The following DTNA variants were observed in gnomAD, a reference collection of about 807,000 sequenced individuals.
DTNA encodes the protein dystrobrevin alpha.
DTNA carries 43 observed loss-of-function variants against 100.7 expected under a neutral mutation model. The observed-to-expected ratio is 0.43, with a 90% confidence interval of 0.33 to 0.55. DTNA has a LOEUF of 0.55. Among genes scored for constraint, DTNA ranks in the 20% least tolerant of loss-of-function variants. DTNA has a pLI of 0.04. For missense variants in DTNA, 798 were observed against 953.9 expected (o/e 0.84, Z 2.15); for synonymous variants, 349 against 347.9 (o/e 1.00, Z -0.04).
intron 13 of DTNA, among the ~76,000 whole-genome samples, chr18:34,842,997 G>GC (rs1470599053): frequency 2.0e-5 from 3 of 152,088 alleles, no homozygotes; most frequent in Admixed American, 2.0e-4. Context: ...CTGACATCTA[G>GC]CACAGTGCCA....
At chr18:34,855,540 A>G (rs1293066110) in intron 15 of DTNA, among the ~76,000 whole-genome samples, 2 of 152,156 alleles carry the variant, frequency 1.3e-5, no homozygotes, top group Non-Finnish European at 2.9e-5. Flanking sequence ...TCCAACAACA[A>G]CCTTCACACA....
chr18:34,600,618 GA>G (rs1156331027), intron 1 of DTNA, among the ~76,000 whole-genome samples: 1 of 152,160 alleles, frequency 6.6e-6, no homozygotes, highest in Non-Finnish European at 1.5e-5. Flanking sequence ...CATATTTGAA[GA>G]ATCATGTTTA....
chr18:34,863,895 C>G (rs2096661470), intron 16 of DTNA, 71 bp from the exon 17 acceptor site: 1 of 1,465,422 alleles, frequency 6.8e-7, no homozygotes. Context: ...TCCACAAGTC[C>G]CTCAAGAATG....
intron 3 of DTNA, among the ~76,000 whole-genome samples, chr18:34,774,169 C>T (rs922480445): frequency 4.6e-5 from 7 of 152,238 alleles, no homozygotes; most frequent in African/African-American, 1.4e-4. Flanking sequence ...CAGAGGAATG[C>T]GTTTCAAGCT....
chr18:34,819,247 T>C (rs1055337217), intron 8 of DTNA, among the ~76,000 whole-genome samples: 10 of 152,220 alleles, frequency 6.6e-5, no homozygotes, highest in African/African-American at 2.2e-4. Context: ...GTCTTCAGAA[T>C]ATACATCTTA....
rs796257765 is a variant in DTNA, at chr18:34,557,268, T to C, written c.-2+63754T>C. On this transcript the variant is annotated intron_variant, in intron 1 of 19. Transcript: ENST00000283365. ...ATTGGTTATTCTAGTTATACATTCT[T>C]CTAAATTTTTTTCAAAGTTTTCAAC... Among the ~76,000 whole-genome samples, 559 of 141,364 alleles carry C rather than the reference T, an allele frequency of 4.0e-3. 15 individuals carry two copies. The East Asian group carries it at 0.067, about 17-fold the overall frequency. 92.7% of individuals were successfully genotyped at this position (141,364 alleles called of 152,430 possible). A position where few individuals can be genotyped will look rare whatever the true frequency, so the allele number is the denominator to read the frequency against.
intron 10 of DTNA, 145 bp from the exon 11 acceptor site, chr18:34,829,255 C>G: frequency 1.3e-6 from 2 of 1,525,364 alleles, no homozygotes; most frequent in Non-Finnish European, 1.8e-6. Context: ...ACATTTCTTT[C>G]TGTCACCACA....
chr18:34,564,954 T>A (rs530283021), intron 1 of DTNA, among the ~76,000 whole-genome samples: 1 of 152,254 alleles, frequency 6.6e-6, no homozygotes, highest in East Asian at 1.9e-4. Context: ...TAATTATGAG[T>A]GATATATTTA....
intron 1 of DTNA, among the ~76,000 whole-genome samples, chr18:34,672,243 A>G (rs1358626815): frequency 2.0e-5 from 3 of 152,028 alleles, no homozygotes; most frequent in African/African-American, 7.3e-5. Context: ...TTAGTTTCAT[A>G]TTGCCCTACT....
intron 1 of DTNA, among the ~76,000 whole-genome samples, chr18:34,564,939 A>G (rs2046957396): frequency 6.6e-6 from 1 of 152,212 alleles, no homozygotes; most frequent in Non-Finnish European, 1.5e-5. Context: ...AAAATAAAAC[A>G]TATGTAATTA....
At chr18:34,507,384 A>G (rs1723795335) in intron 1 of DTNA, among the ~76,000 whole-genome samples, 1 of 152,212 alleles carries the variant, frequency 6.6e-6, no homozygotes, top group African/African-American at 2.4e-5. Flanking sequence ...CTATATTTAA[A>G]TCTAACTGAG....
intron 1 of DTNA, among the ~76,000 whole-genome samples, chr18:34,620,089 A>C (rs2056165022): frequency 6.6e-6 from 1 of 152,226 alleles, no homozygotes; most frequent in African/African-American, 2.4e-5. Context: ...TAAAGACAGA[A>C]GTTCCTGTTG....
chr18:34,617,821 G>A (rs937697657), intron 1 of DTNA, among the ~76,000 whole-genome samples: 5 of 152,126 alleles, frequency 3.3e-5, no homozygotes, highest in African/African-American at 1.2e-4. Flanking sequence ...ACAGCATAAT[G>A]TAAACATAAC....
chr18:34,501,486 G>A (rs567331839), intron 1 of DTNA, among the ~76,000 whole-genome samples: 5 of 152,220 alleles, frequency 3.3e-5, no homozygotes, highest in African/African-American at 4.8e-5. Flanking sequence ...AAAATGAATA[G>A]GGATGTGTTC....
intron 17 of DTNA, among the ~76,000 whole-genome samples, chr18:34,870,339 T>A (rs1267931058): frequency 6.6e-6 from 1 of 152,142 alleles, no homozygotes; most frequent in Non-Finnish European, 1.5e-5. Context: ...CTTCATGGAA[T>A]ACTAGCAGGC....
At chr18:34,625,930 T>G (rs531433850) in intron 1 of DTNA, among the ~76,000 whole-genome samples, 1 of 152,302 alleles carries the variant, frequency 6.6e-6, no homozygotes, top group South Asian at 2.1e-4. Flanking sequence ...TTGGGGAACC[T>G]TGGAAGAACT....
chr18:34,568,694 G>A (rs1450581566), intron 1 of DTNA, among the ~76,000 whole-genome samples: 2 of 152,034 alleles, frequency 1.3e-5, no homozygotes, highest in Non-Finnish European at 2.9e-5. Context: ...CACGATCTTG[G>A]CTCATTGCAA....
At chr18:34,545,460 T>C (rs1037257129) in intron 1 of DTNA, among the ~76,000 whole-genome samples, 2 of 152,158 alleles carry the variant, frequency 1.3e-5, no homozygotes, top group Non-Finnish European at 2.9e-5. Flanking sequence ...TAATGTGTGA[T>C]TAACTTAACC....
chr18:34,506,719 A>C (rs942254286), intron 1 of DTNA, among the ~76,000 whole-genome samples: 2 of 152,188 alleles, frequency 1.3e-5, no homozygotes, highest in African/African-American at 2.4e-5. Flanking sequence ...GTGAGGCAAC[A>C]CACGATTCCA....
Sources: gnomAD v4.1 joint callset for allele counts (sites outside exome capture counted in the v4.1 genomes callset) on GRCh38, gnomAD v4.1.1 for gene constraint, MANE v1.5 for transcripts, NCBI Gene and HGNC (gene_info 2026-07-23, HGNC 2026-07-21) for gene names.